RFX6: variants seen among roughly 807,000 people sequenced by gnomAD.
The protein encoded by RFX6 is regulatory factor X6.
A neutral mutation model predicts 110.8 loss-of-function variants in RFX6; 50 were observed. The ratio of observed to expected loss-of-function variants is 0.45; its 90% CI spans 0.36 to 0.57. The LOEUF (loss-of-function observed/expected upper bound fraction) is 0.57. Among genes scored for constraint, RFX6 ranks in the 20% least tolerant of loss-of-function variants. The pLI, the probability that RFX6 is intolerant of heterozygous loss-of-function variation, is 0.00. For synonymous variants in RFX6, 383 were observed against 411.2 expected (o/e 0.93, Z 0.83); for missense variants, 990 against 1,127.0 (o/e 0.88, Z 1.74).
intron 5 of RFX6, among the ~76,000 whole-genome samples, chr6:116,894,270 G>A (rs1440829604): frequency 1.3e-5 from 2 of 152,244 alleles, no homozygotes; most frequent in East Asian, 3.9e-4. Context: ...GAAATTAATT[G>A]TGAACTAGTG....
In RFX6 at chr6:116,910,981, T is replaced by C; in HGVS notation, c.719T>C (p.Leu240Pro). The C allele has an allele frequency of 6.2e-7, 1 of 1,613,834 alleles. No individual in the cohort carries two copies. The highest frequency in any genetic ancestry group is 8.5e-7 in the Non-Finnish European group (1 of 1,179,800). ...TCGCTTAGCTCAAAAACTGGAACAC[T>C]TCTTCCAGAATTCCCCAGCGCTCAA... ...KYSLSSKTGT[L>P]LPEFPSAQHL... Residue 240 changes from leucine to proline, a missense_variant, in exon 7 of 19, where the codon CTT becomes CCT. Transcript: ENST00000332958.
chr6:116,893,544 T>A (rs1774875574), intron 4 of RFX6, among the ~76,000 whole-genome samples: 2 of 152,160 alleles, frequency 1.3e-5, no homozygotes, highest in African/African-American at 4.8e-5. Context: ...GGTCACATGT[T>A]TCATACATAT....
intron 18 of RFX6, 105 bp downstream of exon 18, chr6:116,929,076 T>G: frequency 1.3e-6 from 1 of 791,644 alleles, no homozygotes; most frequent in Non-Finnish European, 2.2e-6. Flanking sequence ...GCAAGCATGT[T>G]TCCACGGTTG....
At chr6:116,903,680 T>C (rs1260452886) in intron 6 of RFX6, among the ~76,000 whole-genome samples, 2 of 152,100 alleles carry the variant, frequency 1.3e-5, no homozygotes, top group African/African-American at 4.8e-5. Context: ...TTTGCCCAGT[T>C]GTATCCTACA....
At chr6:116,917,250 G>A (rs986346084) in intron 9 of RFX6, among the ~76,000 whole-genome samples, 13 of 151,838 alleles carry the variant, frequency 8.6e-5, no homozygotes, top group Non-Finnish European at 1.8e-4. Context: ...CACAGGATAG[G>A]AGAAAGGAGG....
chr6:116,931,499 G>A lies in RFX6; in HGVS notation c.2780G>A (p.Gly927Asp). ...GTGTTCATGGGAACAGCAGCTGGAGGCACTTAAACCACCAATGTGGGAGGG... is the reference window on the plus strand; with the variant it reads ...GTGTTCATGGGAACAGCAGCTGGAGACACTTAAACCACCAATGTGGGAGGG... ...NTVFMGTAAG[G>D]T The change falls in exon 19 of 19, where the codon GGC becomes GAC. Residue 927 changes from glycine to aspartate, a missense_variant. Physicochemically the swap from Gly to Asp is moderately conservative, Grantham distance 94. This residue lies in a region of RFX6 where 438 missense variants were observed against 441.9 expected (regional missense o/e 0.99). Coordinates refer to ENST00000332958, the MANE Select transcript of RFX6 (RefSeq NM_173560.4). 4.3e-6 allele frequency: 7 copies of A among 1,612,480 alleles called. No individual in the cohort carries two copies. The highest frequency in any genetic ancestry group is 5.1e-6 in the Non-Finnish European group (6 of 1,178,822).
rs555993574 is a variant in RFX6, at chr6:116,909,175, C to T, written c.673-1760C>T. ...AAGAGTATTCCTTTATTCCTAACTGCGATTTAATATCATACTGTGTATTAT... is the reference window on the plus strand; with the variant it reads ...AAGAGTATTCCTTTATTCCTAACTGTGATTTAATATCATACTGTGTATTAT... On this transcript the variant is annotated intron_variant, in intron 6 of 18. Coordinates refer to ENST00000332958, the MANE Select transcript of RFX6 (RefSeq NM_173560.4). Among the ~76,000 whole-genome samples the T allele has an allele frequency of 9.9e-5, 15 of 151,926 alleles. No individual in the cohort carries two copies. The South Asian group carries it at 2.7e-3, about 27-fold the overall frequency.
chr6:116,891,027 G>A (rs1230270086), intron 4 of RFX6, among the ~76,000 whole-genome samples: 17 of 152,114 alleles, frequency 1.1e-4, no homozygotes, highest in Non-Finnish European at 1.5e-4. Flanking sequence ...TTAAAATGTA[G>A]CAATTTTTTT....
rs531712574 is a variant in RFX6 at position 116,910,934 on chromosome 6, G to T, written c.673-1G>T. On this transcript the variant is annotated splice_acceptor_variant, in intron 6 of 18. Transcript: ENST00000332958. LOFTEE classifies it high-confidence loss of function. ...TTTGTTTTCATTTTTCTAAATTATA[G>T]GGTGGCTTCACTCGTAAATATTCGC... 1 of 1,605,736 alleles carries T rather than the reference G, an allele frequency of 6.2e-7. No individual in the cohort carries two copies. Among genetic ancestry groups the T allele is most frequent in the African/African-American group, 1.3e-5 (1 of 74,834 alleles).
At chr6:116,928,636 T>C in intron 17 of RFX6, 123 bp from the exon 18 acceptor site, 6 of 731,174 alleles carry the variant, frequency 8.2e-6, no homozygotes, top group East Asian at 2.6e-5. Context: ...CATGTATAGA[T>C]ACACATGTAA....
chr6:116,920,150 G>T (rs923530047), intron 11 of RFX6, among the ~76,000 whole-genome samples, 160 bp from the exon 12 acceptor site: 8 of 152,096 alleles, frequency 5.3e-5, no homozygotes, highest in Non-Finnish European at 1.0e-4. Context: ...TTTTAACAGA[G>T]ATGATCATGA....
chr6:116,881,513 G>A (rs1169491227), intron 3 of RFX6, among the ~76,000 whole-genome samples: 1 of 152,056 alleles, frequency 6.6e-6, no homozygotes, highest in Non-Finnish European at 1.5e-5. Flanking sequence ...TACAGAGAGA[G>A]TGTGATATTA....
chr6:116,913,265 C>G (rs1775393142), intron 7 of RFX6, among the ~76,000 whole-genome samples: 1 of 152,072 alleles, frequency 6.6e-6, no homozygotes, highest in Non-Finnish European at 1.5e-5. Context: ...TTTCCCTATG[C>G]TGGCCAGGCT....
intron 6 of RFX6, among the ~76,000 whole-genome samples, chr6:116,906,937 C>G (rs1775216513): frequency 6.6e-6 from 1 of 150,938 alleles, no homozygotes; most frequent in Non-Finnish European, 1.5e-5. Flanking sequence ...AGCAGACTTG[C>G]TTTGTTCCTG....
chr6:116,897,459 T>C (rs73765883), intron 6 of RFX6, among the ~76,000 whole-genome samples: 5,542 of 151,680 alleles, frequency 0.037, 334 homozygotes, highest in African/African-American at 0.13. Flanking sequence ...GTAGAAAAAA[T>C]AAAAAAAATT....
At chr6:116,923,906 C>T (rs946498522) in intron 14 of RFX6, among the ~76,000 whole-genome samples, 5 of 152,110 alleles carry the variant, frequency 3.3e-5, no homozygotes, top group African/African-American at 1.2e-4. Context: ...AGCTGCATTT[C>T]AGGAAATCTT....
intron 6 of RFX6, among the ~76,000 whole-genome samples, chr6:116,898,460 G>A (rs907537865): frequency 2.6e-5 from 4 of 152,056 alleles, no homozygotes; most frequent in African/African-American, 9.7e-5. Flanking sequence ...TTCCCAAGTA[G>A]CTGGGACTAC....
chr6:116,896,896 A>T (rs969515516), intron 6 of RFX6, among the ~76,000 whole-genome samples: 1 of 152,196 alleles, frequency 6.6e-6, no homozygotes, highest in Non-Finnish European at 1.5e-5. Context: ...TCAGAGAAAG[A>T]TTCTATTTTT....
chr6:116,890,551 T>C (rs1434969403), intron 4 of RFX6, among the ~76,000 whole-genome samples: 1 of 152,162 alleles, frequency 6.6e-6, no homozygotes, highest in Non-Finnish European at 1.5e-5. Flanking sequence ...CTTTCACTGG[T>C]TCTCTATCTC....
Sources: allele counts gnomAD v4.1 joint callset (sites outside exome capture counted in the v4.1 genomes callset), GRCh38; gene constraint gnomAD v4.1.1; regional missense constraint gnomAD v4.1.1; transcripts MANE v1.5; gene names NCBI Gene and HGNC (gene_info 2026-07-23, HGNC 2026-07-21).